ADAMTS13: variants seen among roughly 807,000 people sequenced by gnomAD.
ADAMTS13 encodes the protein ADAM metallopeptidase with thrombospondin type 1 motif 13.
In ADAMTS13, 110 loss-of-function variants were observed where a neutral mutation model predicts 155.1. That is an observed-to-expected ratio of 0.71 (90% CI 0.61 to 0.83). The LOEUF (loss-of-function observed/expected upper bound fraction) is 0.83. Among genes scored for constraint, ADAMTS13 ranks in the 40% least tolerant of loss-of-function variants. The pLI is 0.00. For synonymous variants in ADAMTS13, 758 were observed against 756.4 expected (o/e 1.00, Z -0.03); for missense variants, 1,707 against 1,891.7 (o/e 0.90, Z 1.81).
intron 1 of ADAMTS13, chr9:133,414,717 T>G: frequency 6.2e-7 from 1 of 1,614,180 alleles, no homozygotes; most frequent in Non-Finnish European, 8.5e-7. Context: ...TTATGCTCGA[T>G]GTCCCCTCGT....
At chr9:133,438,910 C>CAAAAAA (rs34233340) in intron 14 of ADAMTS13, among the ~76,000 whole-genome samples, 4 of 111,176 alleles carry the variant, frequency 3.6e-5, no homozygotes, top group Non-Finnish European at 7.3e-5. Context: ...GACACTGTCT[C>CAAAAAA]AAAAAAAAAA....
In ADAMTS13 at chr9:133,424,264, C is replaced by G; in HGVS notation, c.173-57C>G. ...GACCTGCCAGCCCCTTTCCTGTTAG[C>G]TTTCCACTGCTTGCTCTCTAGAACC... is the stretch of plus-strand genomic sequence containing the variant. On this transcript the variant is annotated intron_variant, in intron 2 of 28. Coordinates refer to ENST00000355699, the MANE Select transcript of ADAMTS13 (RefSeq NM_139027.6). The surrounding 1 kb of genome is among the most constrained non-coding windows in gnomAD (Gnocchi z 4.3). 1 of 1,604,504 alleles carries G rather than the reference C, an allele frequency of 6.2e-7. No homozygotes were observed. The highest frequency in any genetic ancestry group is 8.5e-7 in the Non-Finnish European group (1 of 1,179,506).
chr9:133,433,295 T>A, intron 9 of ADAMTS13, 83 bp from the exon 10 acceptor site: 3 of 1,575,082 alleles, frequency 1.9e-6, no homozygotes, highest in Non-Finnish European at 2.6e-6. Flanking sequence ...TCCCTGAGGA[T>A]GTTGGGGGAC....
In ADAMTS13 at chr9:133,426,275, T is replaced by C. The variant is rs782116819; in HGVS notation, c.616T>C (p.Trp206Arg). Residue 206 changes from tryptophan to arginine, a missense_variant, in exon 6 of 29, where the codon TGG (tryptophan) becomes CGG (arginine). Trp to Arg is a moderately radical substitution (Grantham distance 101). Coordinates refer to ENST00000355699, the MANE Select transcript of ADAMTS13 (RefSeq NM_139027.6). ...GCTGGGCGGTGCCTGCTCCCCAACC[T>C]GGAGCTGCCTCATTACCGAGGACAC... ...TQLGGACSPT[W>R]SCLITEDTGF... 1 of 1,611,224 alleles carries C rather than the reference T, an allele frequency of 6.2e-7. No individual in the cohort carries two copies. Among genetic ancestry groups the C allele is most frequent in the Non-Finnish European group, 8.5e-7 (1 of 1,180,002 alleles).
rs376279482 is a variant in ADAMTS13 at position 133,433,351 on chromosome 9, G to A, written c.1093-27G>A. 3.7e-6 allele frequency: 6 copies of A among 1,611,776 alleles called. No homozygotes were observed. The African/African-American group carries it at 8.0e-5, about 22-fold the overall frequency. On this transcript the variant is annotated intron_variant, in intron 9 of 28. Transcript: ENST00000355699. ...CCTGTGGTGGGGTCACTGTGGGATG[G>A]GAGATGAAGCCATCCTTGCCTTGCA...
chr9:133,437,701 GC>G, intron 12 of ADAMTS13, 47 bp from the exon 13 acceptor site: 1 of 1,612,254 alleles, frequency 6.2e-7, no homozygotes, highest in Non-Finnish European at 8.5e-7. Flanking sequence ...TGGGGGACTT[GC>G]CCCTCCTGCT....
chr9:133,448,666 T>C lies in ADAMTS13; in HGVS notation c.2799T>C (p.Cys933=), dbSNP rs782030553. The C allele has an allele frequency of 1.9e-6, 3 of 1,608,138 alleles. No homozygotes were observed. In the African/African-American group the frequency reaches 4.0e-5, roughly 21 times the overall value. ...ALRVPVQEEL[C]GLASKPGSRR... is the part of the protein sequence containing the mutation. ...GGGTGCCTGTCCAGGAAGAGCTGTGTGGCCTGGCAAGCAAGCCTGGGAGCC... is the reference window on the plus strand; with the variant it reads ...GGGTGCCTGTCCAGGAAGAGCTGTGCGGCCTGGCAAGCAAGCCTGGGAGCC... Residue 933 remains cysteine (C), a synonymous_variant, in exon 22 of 29, where the codon TGT becomes TGC. Coordinates refer to ENST00000355699, the MANE Select transcript of ADAMTS13 (RefSeq NM_139027.6).
chr9:133,423,119 G>A lies in ADAMTS13; in HGVS notation c.124G>A (p.Glu42Lys). The A allele has an allele frequency of 3.7e-6, 6 of 1,613,652 alleles. No homozygotes were observed. The highest frequency in any genetic ancestry group is 5.1e-6 in the Non-Finnish European group (6 of 1,179,910). The stretch of plus-strand genomic sequence containing the variant: ...CTTGCAGAGTTGTCTTCAGGCTTTG[G>A]AGCCACAGGCCGTGTCTTCTTACTT... The part of the protein sequence containing the change: ...HFQQSCLQAL[E>K]PQAVSSYLSP... Residue 42 changes from glutamate to lysine, a missense_variant, in exon 2 of 29, where the codon GAG (glutamate) becomes AAG (lysine). By Grantham distance (56) the Glu-to-Lys change is moderately conservative (BLOSUM62 1). Around this residue, in one of 3 missense-constraint regions of ADAMTS13, gnomAD observed 733 missense variants for 749.6 expected, o/e 0.98. Transcript: ENST00000355699.
chr9:133,453,904 A>G (rs986205434), intron 23 of ADAMTS13, among the ~76,000 whole-genome samples: 1 of 152,044 alleles, frequency 6.6e-6, no homozygotes, highest in Non-Finnish European at 1.5e-5. Flanking sequence ...GGAGCACAGT[A>G]TTGCGATGAA....
At chr9:133,451,435 T>C (rs1842428087) in intron 23 of ADAMTS13, among the ~76,000 whole-genome samples, 1 of 152,186 alleles carries the variant, frequency 6.6e-6, no homozygotes, top group Non-Finnish European at 1.5e-5. Flanking sequence ...CTTTTGTATT[T>C]TTAGTAGAGA....
chr9:133,430,719 G>C (rs587663636), intron 8 of ADAMTS13, among the ~76,000 whole-genome samples: 1 of 140,898 alleles, frequency 7.1e-6, no homozygotes, highest in Non-Finnish European at 1.5e-5. Flanking sequence ...TTGAGACAGA[G>C]TCTCCCTCTC....
chr9:133,425,268 T>C lies in ADAMTS13; in HGVS notation c.331-261T>C, dbSNP rs1445531238. ...GACCGGAATATCCGACTCGTGACCA[T>C]CTGTGTGCTCTCATCCCCTTGCTTT... On this transcript the variant is annotated intron_variant, in intron 3 of 28. Transcript: ENST00000355699. The surrounding 1 kb of genome is among the most constrained non-coding windows in gnomAD (Gnocchi z 4.6). Among the ~76,000 whole-genome samples, 1 of 152,246 alleles carries C rather than the reference T, an allele frequency of 6.6e-6. No individual in the cohort carries two copies. The highest frequency in any genetic ancestry group is 1.5e-5 in the Non-Finnish European group (1 of 68,044).
At position 133,440,481 on chromosome 9, in the gene ADAMTS13, G is replaced by A. The variant is rs1554790418; in HGVS notation, c.1924G>A (p.Glu642Lys). ...LTEDRLPRLE[E>K]IRIWGPLQED... ...CGAGGACCGGCTGCCCCGCCTGGAG[G>A]AGATCCGCATCTGGGGACCCCTCCA... The change falls in exon 16 of 29, where the codon GAG becomes AAG. Residue 642 changes from glutamate to lysine, a missense_variant. Coordinates refer to ENST00000355699, the MANE Select transcript of ADAMTS13 (RefSeq NM_139027.6). This position sits in a 1 kb window ranked among gnomAD's most constrained non-coding sequence, Gnocchi z 4.3. 1 of 1,612,990 alleles carries A rather than the reference G, an allele frequency of 6.2e-7. No individual in the cohort carries two copies. Among genetic ancestry groups the A allele is most frequent in the Admixed American group, 1.7e-5 (1 of 59,996 alleles).
intron 11 of ADAMTS13, among the ~76,000 whole-genome samples, chr9:133,436,113 G>A (rs866231604): frequency 1.2e-4 from 18 of 150,304 alleles, no homozygotes; most frequent in Middle Eastern, 3.4e-3. Flanking sequence ...CATGGCGCCC[G>A]GCCTGTTTTC....
intron 23 of ADAMTS13, among the ~76,000 whole-genome samples, chr9:133,451,568 G>A (rs1842436398): frequency 6.6e-6 from 1 of 152,150 alleles, no homozygotes; most frequent in African/African-American, 2.4e-5. Flanking sequence ...AGCCTCCTTA[G>A]TTTTAAATAA....
At position 133,430,086 on chromosome 9, in the gene ADAMTS13, C is replaced by A. The variant is rs782268976; in HGVS notation, c.972C>A (p.Phe324Leu). The A allele has an allele frequency of 3.1e-6, 5 of 1,589,716 alleles. No homozygotes were observed. The East Asian group carries it at 6.7e-5, about 21-fold the overall frequency. Residue 324 changes from phenylalanine to leucine, a missense_variant, in exon 8 of 29, where the codon TTC (phenylalanine) becomes TTA (leucine). Physicochemically the swap from Phe to Leu is conservative, Grantham distance 22. Transcript: ENST00000355699. ...AFGPKAVACT[F>L]AREHLDMCQA... ...GCCCCAAGGCTGTCGCCTGCACCTT[C>A]GCCAGGGAGCACCTGGTGAGTCTGC...
chr9:133,456,434 C>A lies in ADAMTS13; in HGVS notation c.3548-109C>A. 1.4e-6 allele frequency: 2 copies of A among 1,442,662 alleles called. No individual in the cohort carries two copies. Among genetic ancestry groups the A allele is most frequent in the East Asian group, 2.4e-5 (1 of 41,438 alleles). The allele number at this position is 1,442,662 out of a possible 1,614,324, so 89.4% of individuals were successfully genotyped here. On this transcript the variant is annotated intron_variant, in intron 26 of 28. Transcript: ENST00000355699. This position sits in a 1 kb window ranked among gnomAD's most constrained non-coding sequence, Gnocchi z 4.4. ...TGCCCAGTTACTTAGAGTCACATAGCCAGCAGTGGGAGAGGTGGGACTTGA... is the reference window on the plus strand; with the variant it reads ...TGCCCAGTTACTTAGAGTCACATAGACAGCAGTGGGAGAGGTGGGACTTGA...
At chr9:133,426,664 A>G (rs1407072919) in intron 6 of ADAMTS13, among the ~76,000 whole-genome samples, 2 of 152,140 alleles carry the variant, frequency 1.3e-5, no homozygotes, top group Non-Finnish European at 2.9e-5. Flanking sequence ...CACATTTTGT[A>G]TTTAATTTCA....
intron 11 of ADAMTS13, 53 bp from the exon 12 acceptor site, chr9:133,436,776 A>AGGGGGGGGGGGGGGGGGGGGGGGGGGC: frequency 1.4e-6 from 1 of 715,604 alleles, no homozygotes; most frequent in Admixed American, 2.3e-5. Flanking sequence ...CCCAGTGACA[A>AGGGGGGGGGGGGGGGGGGGGGGGGGGC]CACCCGCCCC....
Sources: gnomAD v4.1 joint callset for allele counts (sites outside exome capture counted in the v4.1 genomes callset) on GRCh38, gnomAD v4.1.1 for gene constraint, gnomAD v4.1.1 regional missense constraint, Gnocchi (gnomAD v3.1) non-coding constraint, MANE v1.5 for transcripts, NCBI Gene and HGNC (gene_info 2026-07-23, HGNC 2026-07-21) for gene names.